The following MYO1D variants were observed in gnomAD, a reference collection of about 807,000 sequenced individuals.
MYO1D encodes the protein myosin ID, also known as unconventional myosin-Id.
Under a neutral mutation model 122.0 loss-of-function variants are expected in MYO1D, and 83 were observed. The observed-to-expected ratio is 0.68, with a 90% CI of 0.57 to 0.82. The LOEUF is 0.82. Ranked by LOEUF, MYO1D falls within the 40% of genes least tolerant of loss-of-function variation. The probability of loss-of-function intolerance (pLI) is 0.00; values close to 1 mark genes in which losing one functional copy is unlikely to be tolerated. For synonymous variants in MYO1D, 464 were observed against 446.9 expected, an observed-to-expected ratio of 1.04 and a Z score of -0.48; for missense variants, 1,157 against 1,269.5, an observed-to-expected ratio of 0.91 and a Z score of 1.35.
At chr17:32,720,720 G>A (rs1255901670) in intron 15 of MYO1D, among the ~76,000 whole-genome samples, 2 of 152,108 alleles carry the variant, frequency 1.3e-5, no homozygotes, top group Non-Finnish European at 2.9e-5. Context: ...CCATGATCAA[G>A]CAGCAAGTAA....
intron 21 of MYO1D, among the ~76,000 whole-genome samples, chr17:32,502,743 G>GGTCAGT (rs1909358785): frequency 6.6e-6 from 1 of 152,126 alleles, no homozygotes; most frequent in African/African-American, 2.4e-5. Flanking sequence ...AGACGCTTGG[G>GGTCAGT]GTCAGTGACT....
Position 32,749,078 on chromosome 17 carries a change from T to A in MYO1D, c.1468-72A>T, listed in dbSNP as rs527582492. On this transcript the variant is annotated intron_variant, in intron 11 of 21. Transcript: ENST00000318217. ...TTCCTAAAAATATATTCCAGCTTAA[T>A]ATGAAATGATGATAATATCACAAAT... is the stretch of plus-strand genomic sequence containing the variant. The A allele has an allele frequency of 4.4e-5, 57 of 1,304,162 alleles. No individual in the cohort carries two copies. The African/African-American group carries it at 7.0e-4, about 16-fold the overall frequency. 80.8% of individuals were successfully genotyped at this position (1,304,162 alleles called of 1,614,324 possible). A position where few individuals can be genotyped will look rare whatever the true frequency, so the allele number is the denominator to read the frequency against.
chr17:32,873,050 G>A (rs2091196504), intron 1 of MYO1D, among the ~76,000 whole-genome samples: 1 of 152,192 alleles, frequency 6.6e-6, no homozygotes. Flanking sequence ...AATTGTGGCA[G>A]TTGTCTAAAA....
At position 32,659,181 on chromosome 17, in the gene MYO1D, A is replaced by T; in HGVS notation, c.2279T>A (p.Val760Glu). 2 of 1,614,114 alleles carry T rather than the reference A, an allele frequency of 1.2e-6. No individual in the cohort carries two copies. Among genetic ancestry groups the T allele is most frequent in the Non-Finnish European group, 8.5e-7 (1 of 1,180,010 alleles). Residue 760 changes from valine (V) to glutamate (E), a missense_variant, in exon 17 of 22, where the codon GTG becomes GAG. Val to Glu is a moderately radical substitution (Grantham distance 121). Transcript: ENST00000318217. ...AACTTTAGGAGGGCTTGGCCACTTC[A>T]CGTGCTTCCCGTAGTCTCGCATGGT... ...VKTMRDYGKHVKWPSPPKVLR... is the reference protein window; with the variant it reads ...VKTMRDYGKHEKWPSPPKVLR...
intron 15 of MYO1D, among the ~76,000 whole-genome samples, chr17:32,718,172 C>T (rs1273379130): frequency 6.6e-6 from 1 of 152,082 alleles, no homozygotes; most frequent in African/African-American, 2.4e-5. Flanking sequence ...AAAATATACA[C>T]ATTTAAGTAT....
chr17:32,617,660 C>T (rs1372243009), intron 20 of MYO1D, among the ~76,000 whole-genome samples: 4 of 152,116 alleles, frequency 2.6e-5, no homozygotes, highest in African/African-American at 7.2e-5. Context: ...AGGCTGGTCT[C>T]GAACTCTTAG....
Position 32,852,135 on chromosome 17 carries a change from G to GT in MYO1D, c.95+24642dup, listed in dbSNP as rs201018865. On this transcript the variant is annotated intron_variant, in intron 1 of 21. Transcript: ENST00000318217. ...TGAAAAACACTTGATGAAATGTAAA[G>GT]TTTTTTTTGTTGTTTTTTGAGACAG... Among the ~76,000 whole-genome samples the GT allele has an allele frequency of 4.0e-3, 608 of 152,108 alleles. 3 individuals are homozygous for GT. Among genetic ancestry groups the GT allele is most frequent in the African/African-American group, 0.013 (559 of 41,488 alleles).
chr17:32,676,595 C>A (rs1597996342), intron 16 of MYO1D, among the ~76,000 whole-genome samples: 1 of 152,090 alleles, frequency 6.6e-6, no homozygotes, highest in East Asian at 1.9e-4. Context: ...AGAGGCGACT[C>A]TCCCTGAACC....
intron 3 of MYO1D, 32 bp from the exon 4 acceptor site, chr17:32,776,061 A>G (rs1305944411): frequency 6.3e-7 from 1 of 1,587,400 alleles, no homozygotes; most frequent in Admixed American, 1.9e-5. Flanking sequence ...GTCATTATAA[A>G]AACTTATAGA....
At chr17:32,621,363 C>G (rs1381361151) in intron 20 of MYO1D, among the ~76,000 whole-genome samples, 2 of 151,988 alleles carry the variant, frequency 1.3e-5, no homozygotes, top group Non-Finnish European at 2.9e-5. Flanking sequence ...ATTTAACAAG[C>G]TGCACTGTGA....
intron 21 of MYO1D, among the ~76,000 whole-genome samples, chr17:32,521,857 G>A (rs184564884): frequency 6.6e-6 from 1 of 152,224 alleles, no homozygotes; most frequent in Non-Finnish European, 1.5e-5. Context: ...GCCGAGGTGG[G>A]GGAATCATGA....
chr17:32,571,676 A>G (rs2087229464), intron 21 of MYO1D, among the ~76,000 whole-genome samples: 2 of 152,234 alleles, frequency 1.3e-5, no homozygotes, highest in Admixed American at 6.5e-5. Context: ...TCTTGGTGGT[A>G]TATTGAAGAA....
chr17:32,685,014 A>AT (rs1011367877), intron 16 of MYO1D, among the ~76,000 whole-genome samples: 17 of 150,650 alleles, frequency 1.1e-4, no homozygotes, highest in African/African-American at 1.9e-4. Flanking sequence ...TCTCTTTATC[A>AT]TTTTTTTTTG....
chr17:32,681,511 C>G (rs1048964773), intron 16 of MYO1D, among the ~76,000 whole-genome samples: 1 of 149,012 alleles, frequency 6.7e-6, no homozygotes, highest in East Asian at 2.0e-4. Flanking sequence ...CGTTATGTAC[C>G]CAGTAGTCAT....
chr17:32,827,988 T>C (rs2090737561), intron 1 of MYO1D, among the ~76,000 whole-genome samples: 1 of 152,094 alleles, frequency 6.6e-6, no homozygotes, highest in African/African-American at 2.4e-5. Context: ...ACCACACCAA[T>C]GGCAAAAGCA....
At chr17:32,548,056 TTGCTATAGAAC>T (rs2086979896) in intron 21 of MYO1D, among the ~76,000 whole-genome samples, 1 of 152,182 alleles carries the variant, frequency 6.6e-6, no homozygotes, top group Admixed American at 6.5e-5. Context: ...ATCATTGCAG[TTGCTATAGAAC>T]CCTAAGCCCT....
intron 1 of MYO1D, among the ~76,000 whole-genome samples, chr17:32,824,392 T>G (rs967982798): frequency 6.6e-6 from 1 of 152,182 alleles, no homozygotes; most frequent in Admixed American, 6.5e-5. Flanking sequence ...TAAAGAACAG[T>G]AAAGAGATAT....
chr17:32,810,665 C>T (rs1460601699), intron 1 of MYO1D, among the ~76,000 whole-genome samples: 1 of 151,950 alleles, frequency 6.6e-6, no homozygotes, highest in Admixed American at 6.6e-5. Context: ...TTAGTAGAGA[C>T]GGGGTTTCAC....
intron 20 of MYO1D, among the ~76,000 whole-genome samples, chr17:32,634,261 T>C (rs1597955656): frequency 6.6e-6 from 1 of 152,144 alleles, no homozygotes; most frequent in Non-Finnish European, 1.5e-5. Context: ...ACTCAAAACC[T>C]AGCAGGAAGA....
Sources: gnomAD v4.1 joint callset for allele counts (sites outside exome capture counted in the v4.1 genomes callset) on GRCh38, gnomAD v4.1.1 for gene constraint, MANE v1.5 for transcripts, NCBI Gene and HGNC (gene_info 2026-07-23, HGNC 2026-07-21) for gene names.